The following COL24A1 variants were observed in gnomAD, a reference collection of about 807,000 sequenced individuals.
The protein encoded by COL24A1 is collagen alpha-1(XXIV) chain.
In COL24A1, 224 loss-of-function variants were observed where a neutral mutation model predicts 253.9. The ratio of observed to expected loss-of-function variants is 0.88; its 90% confidence interval spans 0.79 to 0.99. The LOEUF is 0.99. COL24A1 is among the 50% of genes least tolerant of loss of function. The pLI is 0.00. For synonymous variants in COL24A1, 685 were observed against 673.7 expected, an observed-to-expected ratio of 1.02 and a Z score of -0.26; for missense variants, 2,131 against 2,068.5, an observed-to-expected ratio of 1.03 and a Z score of -0.59.
At chr1:85,775,592 T>G (rs1163562194) in intron 53 of COL24A1, 82 bp downstream of exon 53, 2 of 1,132,514 alleles carry the variant, frequency 1.8e-6, no homozygotes, top group African/African-American at 1.6e-5. Flanking sequence ...TAATAATGGA[T>G]AACTCTAACA....
intron 8 of COL24A1, among the ~76,000 whole-genome samples, chr1:86,061,000 A>T (rs896711448): frequency 6.6e-6 from 1 of 151,940 alleles, no homozygotes; most frequent in African/African-American, 2.4e-5. Context: ...CTACTCAAAA[A>T]CCCTATAAGA....
intron 57 of COL24A1, among the ~76,000 whole-genome samples, chr1:85,744,163 T>C (rs1047932998): frequency 1.3e-5 from 2 of 152,088 alleles, no homozygotes; most frequent in Non-Finnish European, 1.5e-5. Flanking sequence ...TTTGCACCTC[T>C]GGCTAATGAA....
intron 57 of COL24A1, among the ~76,000 whole-genome samples, chr1:85,742,732 C>A (rs942342540): frequency 6.6e-6 from 1 of 152,120 alleles, no homozygotes; most frequent in African/African-American, 2.4e-5. Flanking sequence ...CATCCTTTAC[C>A]ATTCTAGTTC....
At chr1:86,078,477 A>G (rs1204095221) in intron 7 of COL24A1, among the ~76,000 whole-genome samples, 2 of 152,170 alleles carry the variant, frequency 1.3e-5, no homozygotes, top group Non-Finnish European at 2.9e-5. Context: ...ACAGAAAAAA[A>G]ATAAAGGGCA....
intron 3 of COL24A1, among the ~76,000 whole-genome samples, chr1:86,122,974 G>C (rs939808086): frequency 3.3e-5 from 5 of 151,974 alleles, no homozygotes; most frequent in Non-Finnish European, 7.4e-5. Context: ...ATCTTTATCT[G>C]TCTGCTTTAG....
intron 47 of COL24A1, among the ~76,000 whole-genome samples, chr1:85,798,479 C>T (rs1282549541): frequency 1.3e-5 from 2 of 152,038 alleles, no homozygotes; most frequent in Non-Finnish European, 2.9e-5. Flanking sequence ...AAATGTAGGT[C>T]TGGACAAAGA....
intron 2 of COL24A1, among the ~76,000 whole-genome samples, chr1:86,130,027 T>C (rs1262274106): frequency 2.0e-5 from 3 of 151,892 alleles, no homozygotes; most frequent in African/African-American, 4.8e-5. Context: ...TTTATGAATA[T>C]TGATGTCATG....
rs576022078 is a variant in COL24A1, at chr1:85,767,004, C to T, written c.4375-5438G>A. Reference sequence around the variant, plus strand: ...CTGTAGTCCCAGCTACTCAGGAGGCCGAGGCAGGAGAATCGCTTGAACCTG... The same window carrying T: ...CTGTAGTCCCAGCTACTCAGGAGGCTGAGGCAGGAGAATCGCTTGAACCTG... On this transcript the variant is annotated intron_variant, in intron 53 of 59. Transcript: ENST00000370571. Among the ~76,000 whole-genome samples, 9 of 151,688 alleles carry T rather than the reference C, an allele frequency of 5.9e-5. No homozygotes were observed. The South Asian group carries it at 8.3e-4, about 14-fold the overall frequency.
At chr1:86,003,538 T>C (rs1052518015) in intron 19 of COL24A1, among the ~76,000 whole-genome samples, 10 of 152,046 alleles carry the variant, frequency 6.6e-5, no homozygotes, top group Non-Finnish European at 1.3e-4. Context: ...TCAGCTTGAT[T>C]TATGGTTGGG....
chr1:86,121,401 G>GA (rs1285801195), intron 3 of COL24A1, among the ~76,000 whole-genome samples: 1 of 151,894 alleles, frequency 6.6e-6, no homozygotes, highest in Non-Finnish European at 1.5e-5. Flanking sequence ...TCGTTAATGT[G>GA]AAAAAAATTA....
chr1:86,060,418 G>T (rs988767472), intron 8 of COL24A1, among the ~76,000 whole-genome samples: 1 of 152,022 alleles, frequency 6.6e-6, no homozygotes, highest in Non-Finnish European at 1.5e-5. Context: ...ATTGCACTTT[G>T]TCCTTCTGCT....
chr1:85,907,309 C>G, intron 27 of COL24A1, 62 bp from the exon 28 acceptor site: 2 of 1,317,816 alleles, frequency 1.5e-6, no homozygotes, highest in Non-Finnish European at 2.2e-6. Context: ...GAATAATAGC[C>G]ATAATCTTTC....
intron 5 of COL24A1, among the ~76,000 whole-genome samples, chr1:86,106,555 C>T (rs1239189021): frequency 5.3e-5 from 8 of 152,044 alleles, no homozygotes; most frequent in East Asian, 1.9e-4. Flanking sequence ...ACAGACTCTA[C>T]GTGCATTCAT....
intron 42 of COL24A1, among the ~76,000 whole-genome samples, chr1:85,840,744 C>T (rs1019790557): frequency 6.6e-6 from 1 of 151,988 alleles, no homozygotes; most frequent in Non-Finnish European, 1.5e-5. Context: ...AATAAGAAGG[C>T]TATAGATCAG....
intron 24 of COL24A1, among the ~76,000 whole-genome samples, 177 bp downstream of exon 24, chr1:85,961,072 C>T (rs1691007697): frequency 6.6e-6 from 1 of 151,912 alleles, no homozygotes; most frequent in Non-Finnish European, 1.5e-5. Flanking sequence ...TCTCTTTTCT[C>T]TTTTGTACAA....
intron 47 of COL24A1, among the ~76,000 whole-genome samples, chr1:85,798,545 G>A (rs1671068993): frequency 6.6e-6 from 1 of 152,156 alleles, no homozygotes. Context: ...TTCTTAGAAA[G>A]AAAAGTTTCT....
intron 3 of COL24A1, among the ~76,000 whole-genome samples, chr1:86,122,022 C>T (rs1647438370): frequency 6.6e-6 from 1 of 152,086 alleles, no homozygotes; most frequent in Admixed American, 6.6e-5. Context: ...CTTCAAGAAG[C>T]AGTAAGGCAA....
intron 14 of COL24A1, among the ~76,000 whole-genome samples, chr1:86,029,198 C>T (rs1698320303): frequency 6.6e-6 from 1 of 151,186 alleles, no homozygotes; most frequent in South Asian, 2.1e-4. Flanking sequence ...CTAAAGAAAT[C>T]TCATAAGGTA....
chr1:85,879,742 A>C (rs1681606882), intron 32 of COL24A1, among the ~76,000 whole-genome samples: 1 of 152,194 alleles, frequency 6.6e-6, no homozygotes. Flanking sequence ...CAAGATCTTC[A>C]TCCTCATTGT....
Sources: allele counts gnomAD v4.1 joint callset (sites outside exome capture counted in the v4.1 genomes callset), GRCh38; gene constraint gnomAD v4.1.1; transcripts MANE v1.5; gene names NCBI Gene and HGNC (gene_info 2026-07-23, HGNC 2026-07-21).